Variants in WDR49 observed in about 807,000 individuals in gnomAD.
WDR49 encodes the protein cilia- and flagella-associated protein 337.
In WDR49, 107 loss-of-function variants were observed where a neutral mutation model predicts 119.5. That is an observed-to-expected ratio of 0.90 (90% confidence interval 0.77 to 1.05). The LOEUF (loss-of-function observed/expected upper bound fraction) is 1.05. Among genes scored for constraint, WDR49 ranks in the 50% least tolerant of loss-of-function variants. The pLI, the probability that WDR49 is intolerant of heterozygous loss-of-function variation, is 0.00. For missense variants in WDR49, 1,240 were observed against 1,220.5 expected, an observed-to-expected ratio of 1.02 and a Z score of -0.24; for synonymous variants, 425 against 418.8, an observed-to-expected ratio of 1.01 and a Z score of -0.18.
At chr3:167,600,501 T>C (rs932574944) in intron 7 of WDR49, among the ~76,000 whole-genome samples, 2 of 152,200 alleles carry the variant, frequency 1.3e-5, no homozygotes, top group African/African-American at 4.8e-5. Context: ...AAGGTGTTTT[T>C]GTGTATGTGT....
chr3:167,595,616 G>T (rs183797921), intron 7 of WDR49, among the ~76,000 whole-genome samples: 3,435 of 152,222 alleles, frequency 0.023, 124 homozygotes, highest in African/African-American at 0.079. Context: ...CAAGCAATGG[G>T]GAAAGGATTC....
At chr3:167,589,119 A>T (rs1274036904) in intron 7 of WDR49, among the ~76,000 whole-genome samples, 1 of 152,088 alleles carries the variant, frequency 6.6e-6, no homozygotes, top group Non-Finnish European at 1.5e-5. Flanking sequence ...TTTGTATATG[A>T]CAAGATTTAG....
chr3:167,576,069 C>T lies in WDR49; in HGVS notation c.1358G>A (p.Cys453Tyr). 1.2e-6 allele frequency: 2 copies of T among 1,614,138 alleles called. No homozygotes were observed. The highest frequency in any genetic ancestry group is 1.7e-6 in the Non-Finnish European group (2 of 1,180,028). ...CSFPKSQDFR[C>Y]LFHFDEAHGR... ...ATGGGCTTCATCAAAGTGGAAGAGA[C>T]ATCTGAAGTCCTGACTTTTGGGGAA... is the stretch of plus-strand genomic sequence containing the variant. Residue 453 changes from cysteine to tyrosine, a missense_variant, in exon 8 of 19, where the codon TGT becomes TAT. Cys to Tyr is a radical substitution (Grantham distance 194). Transcript: ENST00000682715.
intron 16 of WDR49, among the ~76,000 whole-genome samples, chr3:167,518,882 A>G (rs1752319503): frequency 6.6e-6 from 1 of 151,684 alleles, no homozygotes. Flanking sequence ...TCCATCAGAC[A>G]AAGAGCTAGT....
At chr3:167,657,641 C>T (rs1002415337), upstream of WDR49, among the ~76,000 whole-genome samples, 1 of 151,726 alleles carries the variant, frequency 6.6e-6, no homozygotes, top group African/African-American at 2.4e-5. Context: ...TGTTCTTACT[C>T]GTTAATCTTT....
At chr3:167,482,644 A>G (rs1159824019) in intron 18 of WDR49, among the ~76,000 whole-genome samples, 3 of 150,712 alleles carry the variant, frequency 2.0e-5, no homozygotes, top group Non-Finnish European at 2.9e-5. Context: ...GTGCCATTGC[A>G]CTCCAGCCTG....
chr3:167,621,870 C>A (rs929329334), intron 3 of WDR49, among the ~76,000 whole-genome samples: 4 of 152,092 alleles, frequency 2.6e-5, no homozygotes, highest in South Asian at 2.1e-4. Flanking sequence ...TGCTTTATTT[C>A]CTATCCCTAT....
intron 2 of WDR49, among the ~76,000 whole-genome samples, chr3:167,641,949 CAT>C (rs948389450): frequency 2.6e-5 from 4 of 151,116 alleles, no homozygotes; most frequent in Middle Eastern, 6.8e-3. Flanking sequence ...AAAAAATACA[CAT>C]AGACATACAT....
chr3:167,547,581 A>C (rs964117161), intron 10 of WDR49, among the ~76,000 whole-genome samples: 10 of 151,788 alleles, frequency 6.6e-5, no homozygotes, highest in African/African-American at 2.4e-4. Flanking sequence ...TCAAAGAAGC[A>C]AGGAAAGGAA....
At chr3:167,605,580 C>T (rs1716019787) in intron 5 of WDR49, among the ~76,000 whole-genome samples, 1 of 151,976 alleles carries the variant, frequency 6.6e-6, no homozygotes, top group Non-Finnish European at 1.5e-5. Context: ...AATTTTAGTA[C>T]ATCATAAAGT....
intron 10 of WDR49, among the ~76,000 whole-genome samples, chr3:167,538,337 G>T (rs1237750475): frequency 6.6e-6 from 1 of 152,132 alleles, no homozygotes; most frequent in South Asian, 2.1e-4. Flanking sequence ...ATGGTTAATA[G>T]ACCAACATTC....
intron 18 of WDR49, among the ~76,000 whole-genome samples, chr3:167,499,822 G>A (rs928879781): frequency 2.0e-5 from 3 of 152,136 alleles, no homozygotes; most frequent in Admixed American, 2.0e-4. Flanking sequence ...GTCTTATGAT[G>A]GCTTCCTCCA....
intron 18 of WDR49, among the ~76,000 whole-genome samples, chr3:167,484,247 G>A (rs568996210): frequency 7.0e-4 from 106 of 152,144 alleles, no homozygotes; most frequent in African/African-American, 1.8e-3. Context: ...CGGATTATCT[G>A]GTGAGCCAGA....
chr3:167,567,352 C>T lies in WDR49; in HGVS notation c.1510-7124G>A, dbSNP rs75884329. Among the ~76,000 whole-genome samples the T allele has an allele frequency of 0.013, 1,980 of 152,252 alleles. 68 individuals carry two copies. In the East Asian group the frequency reaches 0.14, roughly 11 times the overall value. On this transcript the variant is annotated intron_variant, in intron 8 of 18. Transcript: ENST00000682715. ...GTGTTTATCACATCTTGAATTTCCCCAAAATTCATATCTTGAAACCCTTCA... is the reference window on the plus strand; with the variant it reads ...GTGTTTATCACATCTTGAATTTCCCTAAAATTCATATCTTGAAACCCTTCA...
At chr3:167,649,987 G>C (rs1391823423) in intron 2 of WDR49, among the ~76,000 whole-genome samples, 3 of 152,158 alleles carry the variant, frequency 2.0e-5, no homozygotes, top group African/African-American at 7.2e-5. Context: ...GCAAACTATG[G>C]TCTCAGACCA....
At chr3:167,517,571 G>C (rs184990831) in intron 16 of WDR49, among the ~76,000 whole-genome samples, 30 of 152,046 alleles carry the variant, frequency 2.0e-4, no homozygotes, top group African/African-American at 5.5e-4. Flanking sequence ...AAAAACCCTA[G>C]AAGAAAATCT....
chr3:167,613,227 C>A (rs1254745311), intron 5 of WDR49, among the ~76,000 whole-genome samples: 1 of 152,168 alleles, frequency 6.6e-6, no homozygotes, highest in Non-Finnish European at 1.5e-5. Flanking sequence ...TAAAGTATAA[C>A]TGTATCTATT....
intron 15 of WDR49, among the ~76,000 whole-genome samples, chr3:167,522,869 G>C (rs546560162): frequency 6.6e-6 from 1 of 152,036 alleles, no homozygotes; most frequent in East Asian, 1.9e-4. Flanking sequence ...CTTTATTTGC[G>C]TGTTACCTCC....
chr3:167,586,041 T>C (rs1714797695), intron 7 of WDR49, among the ~76,000 whole-genome samples: 2 of 152,130 alleles, frequency 1.3e-5, no homozygotes, highest in Non-Finnish European at 2.9e-5. Context: ...AGAAGATAAA[T>C]GGTAAGACAA....
Sources: gnomAD v4.1 joint callset for allele counts (sites outside exome capture counted in the v4.1 genomes callset) on GRCh38, gnomAD v4.1.1 for gene constraint, MANE v1.5 for transcripts, NCBI Gene and HGNC (gene_info 2026-07-23, HGNC 2026-07-21) for gene names.